Variants in TNFAIP8L3 observed in about 807,000 individuals in gnomAD.
The protein encoded by TNFAIP8L3 is TNF alpha induced protein 8 like 3.
In TNFAIP8L3, 7 loss-of-function variants were observed where a neutral mutation model predicts 11.8. The observed-to-expected ratio is 0.59, with a 90% confidence interval of 0.34 to 1.11. The LOEUF is 1.11. TNFAIP8L3 is among the 50% of genes most tolerant of loss of function. TNFAIP8L3 has a pLI of 0.03. For missense variants in TNFAIP8L3, 219 were observed against 258.6 expected (o/e 0.85, Z 1.05); for synonymous variants, 98 against 103.8 (o/e 0.94, Z 0.34).
upstream of TNFAIP8L3, among the ~76,000 whole-genome samples, chr15:51,097,438 C>A (rs1245447867): frequency 6.6e-6 from 1 of 152,148 alleles, no homozygotes; most frequent in Non-Finnish European, 1.5e-5. Flanking sequence ...TCAAGGTATC[C>A]TGAAAAGTCT....
chr15:51,089,381 T>A (rs189252754), intron 1 of TNFAIP8L3, among the ~76,000 whole-genome samples: 106 of 152,232 alleles, frequency 7.0e-4, no homozygotes, highest in Non-Finnish European at 1.3e-3. Flanking sequence ...GGAATAACCA[T>A]AAAGTATGCA....
At position 51,057,066 on chromosome 15, in the gene TNFAIP8L3, C is replaced by T. The variant is rs188290031; in HGVS notation, c.*815G>A. 7.2e-5 allele frequency: 11 copies of T among 152,132 alleles called. No homozygotes were observed. Among genetic ancestry groups the T allele is most frequent in the African/African-American group, 1.7e-4 (7 of 41,494 alleles). The allele number at this position is 152,132 out of a possible 1,614,324, so 9.4% of individuals were successfully genotyped here. A position where few individuals can be genotyped will look rare whatever the true frequency, so the allele number is the denominator to read the frequency against. On this transcript the variant is annotated 3_prime_UTR_variant, in exon 2 of 2. Coordinates refer to ENST00000637513, the MANE Select transcript of TNFAIP8L3 (RefSeq NM_001311175.2). ...CTGGGATTACAGGCGTGTACCACCA[C>T]GCCTGGCTAATTTTTGTAATTTTAG...
At chr15:51,076,976 G>T (rs1567291312) in intron 1 of TNFAIP8L3, among the ~76,000 whole-genome samples, 1 of 152,094 alleles carries the variant, frequency 6.6e-6, no homozygotes, top group Non-Finnish European at 1.5e-5. Context: ...CTCCTCTCCC[G>T]TGCTGGATTC....
At chr15:51,066,932 T>TC in intron 1 of TNFAIP8L3, among the ~76,000 whole-genome samples, 1 of 152,150 alleles carries the variant, frequency 6.6e-6, no homozygotes, top group East Asian at 1.9e-4. Flanking sequence ...GTTTGTATAT[T>TC]CCTAGAATTC....
chr15:51,064,229 C>T (rs1567286855), intron 1 of TNFAIP8L3, among the ~76,000 whole-genome samples: 1 of 152,140 alleles, frequency 6.6e-6, no homozygotes, highest in Non-Finnish European at 1.5e-5. Flanking sequence ...ATGTAGGACC[C>T]ATGATTTATA....
intron 1 of TNFAIP8L3, among the ~76,000 whole-genome samples, chr15:51,093,811 T>C (rs1000420502): frequency 4.6e-5 from 7 of 152,158 alleles, no homozygotes; most frequent in Non-Finnish European, 7.3e-5. Context: ...TGTTGCTCAG[T>C]ATCAGGGAGA....
chr15:51,084,742 C>T (rs985605556), intron 1 of TNFAIP8L3, among the ~76,000 whole-genome samples: 6 of 152,094 alleles, frequency 3.9e-5, no homozygotes, highest in Admixed American at 3.9e-4. Context: ...AGGAGGGGTC[C>T]GGGGCCTTTA....
intron 1 of TNFAIP8L3, among the ~76,000 whole-genome samples, chr15:51,077,080 C>A (rs1211236450): frequency 6.6e-6 from 1 of 152,180 alleles, no homozygotes; most frequent in Non-Finnish European, 1.5e-5. Context: ...GACCTTGGAG[C>A]CTCCAGCTTT....
At chr15:51,062,119 C>T (rs914577654) in intron 1 of TNFAIP8L3, among the ~76,000 whole-genome samples, 2 of 151,970 alleles carry the variant, frequency 1.3e-5, no homozygotes, top group Non-Finnish European at 2.9e-5. Context: ...AGGAAAAATA[C>T]AAAAATTAGC....
At chr15:51,083,850 A>G (rs1430180919) in intron 1 of TNFAIP8L3, among the ~76,000 whole-genome samples, 2 of 152,242 alleles carry the variant, frequency 1.3e-5, no homozygotes, top group African/African-American at 4.8e-5. Flanking sequence ...GGGGGGCCAC[A>G]GAGGACTGGA....
At chr15:51,099,284 G>T (rs2065533944), upstream of TNFAIP8L3, among the ~76,000 whole-genome samples, 1 of 152,140 alleles carries the variant, frequency 6.6e-6, no homozygotes, top group African/African-American at 2.4e-5. Flanking sequence ...ACCCCTTGTA[G>T]GAGGCAGAGG....
chr15:51,071,162 C>T (rs1423483581), intron 1 of TNFAIP8L3, among the ~76,000 whole-genome samples: 1 of 133,646 alleles, frequency 7.5e-6, no homozygotes, highest in Non-Finnish European at 1.6e-5. Flanking sequence ...TAAACATAAA[C>T]AAAATAGAAG....
intron 1 of TNFAIP8L3, among the ~76,000 whole-genome samples, chr15:51,086,609 C>G (rs983838020): frequency 6.6e-6 from 1 of 152,176 alleles, no homozygotes; most frequent in African/African-American, 2.4e-5. Context: ...TTTCTACTGA[C>G]AAGCTGTGCA....
intron 1 of TNFAIP8L3, among the ~76,000 whole-genome samples, chr15:51,103,775 A>G (rs1292529585): frequency 5.3e-5 from 8 of 152,224 alleles, no homozygotes; most frequent in African/African-American, 1.9e-4. Context: ...TTCATCCTCC[A>G]CATTCCTGTA....
intron 1 of TNFAIP8L3, among the ~76,000 whole-genome samples, chr15:51,082,878 C>T (rs11631783): frequency 0.17 from 25,818 of 152,070 alleles, 2,417 homozygotes; most frequent in Middle Eastern, 0.22. Flanking sequence ...ACTACTATCA[C>T]GTCCAAAATA....
chr15:51,069,926 A>C (rs2065297331), intron 1 of TNFAIP8L3, among the ~76,000 whole-genome samples: 1 of 152,176 alleles, frequency 6.6e-6, no homozygotes, highest in Non-Finnish European at 1.5e-5. Context: ...ACTTATTTGA[A>C]ACATTAAAGG....
chr15:51,097,723 C>T (rs1268060698), upstream of TNFAIP8L3, among the ~76,000 whole-genome samples: 1 of 152,254 alleles, frequency 6.6e-6, no homozygotes, highest in South Asian at 2.1e-4. Context: ...TATCTCTCCT[C>T]CCAGTATGGA....
intron 1 of TNFAIP8L3, among the ~76,000 whole-genome samples, chr15:51,090,812 A>G (rs1387807504): frequency 1.3e-5 from 2 of 152,192 alleles, no homozygotes; most frequent in African/African-American, 4.8e-5. Context: ...GCTTTTCTGC[A>G]GCACCGACCC....
At chr15:51,063,709 A>G (rs1017658709) in intron 1 of TNFAIP8L3, among the ~76,000 whole-genome samples, 1 of 152,232 alleles carries the variant, frequency 6.6e-6, no homozygotes, top group Non-Finnish European at 1.5e-5. Flanking sequence ...AAAGTATTCA[A>G]TTGGGTCTTG....
Sources: gnomAD v4.1 joint callset for allele counts (sites outside exome capture counted in the v4.1 genomes callset) on GRCh38, gnomAD v4.1.1 for gene constraint, MANE v1.5 for transcripts, NCBI Gene and HGNC (gene_info 2026-07-23, HGNC 2026-07-21) for gene names.